The following HIVEP3 variants were observed in gnomAD, a reference collection of about 807,000 sequenced individuals.
The protein encoded by HIVEP3 is transcription factor HIVEP3.
Under a neutral mutation model 152.8 loss-of-function variants are expected in HIVEP3, and 49 were observed. That is an observed-to-expected ratio of 0.32 (90% CI 0.26 to 0.41). HIVEP3 has a LOEUF of 0.41. HIVEP3 is among the 10% of genes least tolerant of loss of function. The probability of loss-of-function intolerance (pLI) is 1.00; values close to 1 mark genes in which losing one functional copy is unlikely to be tolerated. For missense variants in HIVEP3, 2,790 were observed against 3,103.3 expected, an observed-to-expected ratio of 0.90 and a Z score of 2.40; for synonymous variants, 1,269 against 1,289.0, an observed-to-expected ratio of 0.98 and a Z score of 0.33.
At chr1:41,762,382 C>T (rs1036797421) in intron 1 of HIVEP3, among the ~76,000 whole-genome samples, 1 of 152,232 alleles carries the variant, frequency 6.6e-6, no homozygotes, top group Non-Finnish European at 1.5e-5. Context: ...GTAACCCTCC[C>T]ATTCTCCATC....
At chr1:41,545,274 A>G (rs1643728956) in intron 5 of HIVEP3, among the ~76,000 whole-genome samples, 1 of 144,494 alleles carries the variant, frequency 6.9e-6, no homozygotes, top group Non-Finnish European at 1.5e-5. Context: ...TACCACCACC[A>G]TCACTACCAC....
Position 41,628,793 on chromosome 1 carries a change from T to C in HIVEP3, c.-566A>G, listed in dbSNP as rs1645153160. ...TCCGATGACCAAAACTGAAACGCTG[T>C]TCTCTCTGAAAGCCAGCATTCATGT... On this transcript the variant is annotated 5_prime_UTR_variant, in exon 3 of 9. Coordinates refer to ENST00000372583, the MANE Select transcript of HIVEP3 (RefSeq NM_024503.5). 5 of 1,232,170 alleles carry C rather than the reference T, an allele frequency of 4.1e-6. No individual in the cohort carries two copies. Among genetic ancestry groups the C allele is most frequent in the Middle Eastern group, 3.1e-4 (1 of 3,206 alleles). 76.3% of individuals were successfully genotyped at this position (1,232,170 alleles called of 1,614,324 possible).
intron 1 of HIVEP3, among the ~76,000 whole-genome samples, chr1:41,753,841 C>T (rs895366431): frequency 1.3e-5 from 2 of 151,970 alleles, no homozygotes; most frequent in Non-Finnish European, 2.9e-5. Context: ...ATACAGCAGC[C>T]GGTGAATGAA....
chr1:41,542,637 G>A (rs1006861947), intron 5 of HIVEP3: 1 of 152,424 alleles, frequency 6.6e-6, no homozygotes, highest in Non-Finnish European at 1.5e-5. Context: ...TCGTCACAGA[G>A]CCACAGTATC....
At chr1:41,757,331 A>G (rs952693471) in intron 1 of HIVEP3, among the ~76,000 whole-genome samples, 1 of 151,744 alleles carries the variant, frequency 6.6e-6, no homozygotes, top group African/African-American at 2.4e-5. Flanking sequence ...GTTAGCCAGG[A>G]TGGTCTCGAT....
intron 3 of HIVEP3, among the ~76,000 whole-genome samples, chr1:41,624,141 C>A (rs1411779919): frequency 3.3e-5 from 5 of 152,148 alleles, no homozygotes; most frequent in African/African-American, 1.2e-4. Flanking sequence ...CACAGCATCA[C>A]CTCAACTTCT....
chr1:41,584,508 T>C lies in HIVEP3; in HGVS notation c.290A>G (p.Gln97Arg), dbSNP rs528074153. 30 of 1,614,046 alleles carry C rather than the reference T, an allele frequency of 1.9e-5. No individual in the cohort carries two copies. In the East Asian group the frequency reaches 6.5e-4, roughly 35 times the overall value. ...CATGAATGCTGGTGTCAGAGGGTGCTGCGGAAGCTGTGAGATGTGGACGGA... is the reference window on the plus strand; with the variant it reads ...CATGAATGCTGGTGTCAGAGGGTGCCGCGGAAGCTGTGAGATGTGGACGGA... ...EASVHISQLP[Q>R]HPLTPAFMSP... The change falls in exon 4 of 9, where the codon CAG becomes CGG. Residue 97 changes from glutamine (Q) to arginine (R), a missense_variant. By Grantham distance (43) the Gln-to-Arg change is conservative. Around this residue, in one of 9 missense-constraint regions of HIVEP3, gnomAD observed 209 missense variants for 237.0 expected, o/e 0.88. Transcript: ENST00000372583. This position sits in a 1 kb window ranked among gnomAD's most constrained non-coding sequence, Gnocchi z 5.2.
intron 3 of HIVEP3, among the ~76,000 whole-genome samples, chr1:41,604,823 C>G (rs6681998): frequency 0.34 from 51,091 of 151,942 alleles, 11,437 homozygotes; most frequent in African/African-American, 0.6. Context: ...AATAGGATAG[C>G]CCAGGCACAG....
intron 1 of HIVEP3, among the ~76,000 whole-genome samples, chr1:41,900,557 G>T (rs1176833350): frequency 6.6e-6 from 1 of 151,960 alleles, no homozygotes; most frequent in African/African-American, 2.4e-5. Flanking sequence ...CCTGGGCTGG[G>T]CCTCTCTATC....
At chr1:41,706,047 T>C (rs957595001) in intron 1 of HIVEP3, among the ~76,000 whole-genome samples, 1 of 152,166 alleles carries the variant, frequency 6.6e-6, no homozygotes. Context: ...AAAACTAGGG[T>C]ACAGCTATAT....
chr1:41,647,135 T>C (rs1645472535), intron 2 of HIVEP3, among the ~76,000 whole-genome samples: 1 of 152,226 alleles, frequency 6.6e-6, no homozygotes, highest in Non-Finnish European at 1.5e-5. Context: ...AGCCAGCTGA[T>C]TGGCAATCTT....
intron 1 of HIVEP3, among the ~76,000 whole-genome samples, chr1:41,854,274 G>C: frequency 6.6e-6 from 1 of 152,178 alleles, no homozygotes; most frequent in Non-Finnish European, 1.5e-5. Flanking sequence ...GCTGGGGAAG[G>C]GAGCCTGCTA....
chr1:41,838,453 G>A (rs1643191532), intron 1 of HIVEP3, among the ~76,000 whole-genome samples: 1 of 152,088 alleles, frequency 6.6e-6, no homozygotes, highest in African/African-American at 2.4e-5. Context: ...ACATGGCATT[G>A]CTGTCAGGAT....
intron 1 of HIVEP3, among the ~76,000 whole-genome samples, chr1:41,806,727 G>A (rs372963950): frequency 3.9e-5 from 6 of 152,190 alleles, no homozygotes; most frequent in East Asian, 1.9e-4. Context: ...CTTGGAAGGC[G>A]CAGGGCCGGG....
chr1:41,566,616 C>G (rs940696113), intron 5 of HIVEP3, among the ~76,000 whole-genome samples: 1 of 152,200 alleles, frequency 6.6e-6, no homozygotes, highest in Admixed American at 6.5e-5. Flanking sequence ...CTCATTTTGG[C>G]CCATACCATC....
At chr1:41,766,565 A>C (rs1247100020) in intron 1 of HIVEP3, among the ~76,000 whole-genome samples, 1 of 152,238 alleles carries the variant, frequency 6.6e-6, no homozygotes, top group Admixed American at 6.5e-5. Flanking sequence ...TGTACAAATG[A>C]GGAAATAGAG....
intron 5 of HIVEP3, among the ~76,000 whole-genome samples, chr1:41,546,670 G>A (rs1445385145): frequency 1.3e-5 from 2 of 152,252 alleles, no homozygotes; most frequent in African/African-American, 2.4e-5. Flanking sequence ...GCTTCTTGAA[G>A]CAGGGCTGAT....
At chr1:41,654,818 G>T (rs1290894066) in intron 2 of HIVEP3, among the ~76,000 whole-genome samples, 1 of 152,132 alleles carries the variant, frequency 6.6e-6, no homozygotes, top group Non-Finnish European at 1.5e-5. Context: ...TGCCCTGCAG[G>T]GAGAAACACA....
At chr1:41,574,978 A>G (rs1254219918) in intron 5 of HIVEP3, among the ~76,000 whole-genome samples, 1 of 152,228 alleles carries the variant, frequency 6.6e-6, no homozygotes, top group Non-Finnish European at 1.5e-5. Flanking sequence ...TCAAAGGTGA[A>G]TAACTATGAA....
Sources: allele counts gnomAD v4.1 joint callset (sites outside exome capture counted in the v4.1 genomes callset), GRCh38; gene constraint gnomAD v4.1.1; regional missense constraint gnomAD v4.1.1; non-coding constraint Gnocchi (gnomAD v3.1); transcripts MANE v1.5; gene names NCBI Gene and HGNC (gene_info 2026-07-23, HGNC 2026-07-21).